Variants in LRRC32 observed in about 807,000 individuals in gnomAD.
LRRC32 encodes the protein leucine rich repeat containing 32.
LRRC32 carries 5 observed loss-of-function variants against 15.0 expected under a neutral mutation model. That is an observed-to-expected ratio of 0.33 (90% CI 0.17 to 0.70). The LOEUF (loss-of-function observed/expected upper bound fraction) is 0.70. Ranked by LOEUF, LRRC32 falls within the 30% of genes least tolerant of loss-of-function variation. The probability of loss-of-function intolerance (pLI) is 0.66; values close to 1 mark genes in which losing one functional copy is unlikely to be tolerated. For synonymous variants in LRRC32, 391 were observed against 403.9 expected, an observed-to-expected ratio of 0.97 and a Z score of 0.38; for missense variants, 803 against 854.2, an observed-to-expected ratio of 0.94 and a Z score of 0.75.
Position 76,660,725 on chromosome 11 carries a change from T to C in LRRC32, c.868A>G (p.Ile290Val). The change falls in exon 3 of 3, where the codon ATC (isoleucine) becomes GTC (valine). Residue 290 changes from isoleucine (I) to valine (V), a missense_variant. Physicochemically the swap from Ile to Val is conservative, Grantham distance 29. Transcript: ENST00000260061. Reference protein sequence around the residue: ...PTGPPQDSKGIHAPSEGWSAL... With the variant: ...PTGPPQDSKGVHAPSEGWSAL... Reference sequence around the variant, plus strand: ...GACCAGCCCTCGGAAGGTGCGTGGATGCCCTTGCTGTCCTGGGGTGGCCCT... The same window carrying C: ...GACCAGCCCTCGGAAGGTGCGTGGACGCCCTTGCTGTCCTGGGGTGGCCCT... 1 of 1,613,974 alleles carries C rather than the reference T, an allele frequency of 6.2e-7. No homozygotes were observed. The highest frequency in any genetic ancestry group is 8.5e-7 in the Non-Finnish European group (1 of 1,179,980).
chr11:76,667,768 T>C (rs1472487519), intron 1 of LRRC32, among the ~76,000 whole-genome samples: 2 of 152,230 alleles, frequency 1.3e-5, no homozygotes, highest in African/African-American at 4.8e-5. Context: ...CCAGCTCTGC[T>C]CTCCAGCCTG....
At chr11:76,661,531 G>A in intron 2 of LRRC32, 23 bp from the exon 3 acceptor site, 1 of 1,562,366 alleles carries the variant, frequency 6.4e-7, no homozygotes, top group South Asian at 1.2e-5. Flanking sequence ...AGGGTGGGGA[G>A]ACAGCTGGCA....
At position 76,660,353 on chromosome 11, in the gene LRRC32, G is replaced by T. The variant is rs201431152; in HGVS notation, c.1240C>A (p.Arg414=). The T allele has an allele frequency of 6.8e-6, 11 of 1,612,364 alleles. No individual in the cohort carries two copies. The African/African-American group carries it at 1.2e-4, about 18-fold the overall frequency. Residue 414 remains arginine, a synonymous_variant, in exon 3 of 3, where the codon CGG becomes AGG. Transcript: ENST00000260061. ...YTFANLASLQ[R]LNLQGNRVSP... is the part of the protein sequence containing the mutation. ...ACTCGGTTCCCCTGCAGGTTGAGCC[G>T]CTGCAGGCTGGCCAGATTGGCAAAG...
At position 76,661,055 on chromosome 11, in the gene LRRC32, G is replaced by A; in HGVS notation, c.538C>T (p.Leu180=). ...ATGTCCATCAGCACGTTGCTATGCA[G>A]GTCAAGCTGCTCCAGCGCAGGCATG... The part of the protein sequence containing the change: ...RDMPALEQLD[L]HSNVLMDIED... The change falls in exon 3 of 3, where the codon CTG becomes TTG. Residue 180 remains leucine (L), a synonymous_variant. Coordinates refer to ENST00000260061, the MANE Select transcript of LRRC32 (RefSeq NM_001128922.2). 6.2e-7 allele frequency: 1 copy of A among 1,614,254 alleles called. No homozygotes were observed. Among genetic ancestry groups the A allele is most frequent in the Non-Finnish European group, 8.5e-7 (1 of 1,180,048 alleles).
rs3197153 is a variant in LRRC32, at chr11:76,658,028, T to C, written c.*1576A>G. The C allele has an allele frequency of 0.29, 44,041 of 152,162 alleles. 6,963 individuals are homozygous for C. The highest frequency in any genetic ancestry group is 0.36 in the South Asian group (1,723 of 4,810). 9.4% of individuals were successfully genotyped at this position (152,162 alleles called of 1,614,324 possible). On this transcript the variant is annotated 3_prime_UTR_variant, in exon 3 of 3. Transcript: ENST00000260061. ...GGGATGGGGGTCATCTGGGTGAGGCTTTTTACCTGTTTTTGTAAGAGGGAA... is the reference window on the plus strand; with the variant it reads ...GGGATGGGGGTCATCTGGGTGAGGCCTTTTACCTGTTTTTGTAAGAGGGAA...
chr11:76,665,401 G>A (rs1217751029), intron 2 of LRRC32, among the ~76,000 whole-genome samples: 2 of 152,134 alleles, frequency 1.3e-5, no homozygotes, highest in South Asian at 2.1e-4. Flanking sequence ...ACTAAGAAGT[G>A]AGAGGCACTC....
rs1279635960 is a variant in LRRC32 at position 76,660,774 on chromosome 11, G to T, written c.819C>A (p.Ser273=). The change falls in exon 3 of 3, where the codon TCC becomes TCA. Residue 273 remains serine (S), a synonymous_variant. Transcript: ENST00000260061. The stretch of plus-strand genomic sequence containing the variant: ...CTGTGGGGAGCCGGATGAGGTTGTT[G>T]GACAAGTTCAGGTAGATGAGTCTCG... ...ALPRLIYLNL[S]NNLIRLPTGP... is the part of the protein sequence containing the mutation. 1 of 1,614,146 alleles carries T rather than the reference G, an allele frequency of 6.2e-7. No homozygotes were observed. The highest frequency in any genetic ancestry group is 1.1e-5 in the South Asian group (1 of 91,082).
chr11:76,666,068 CG>C (rs550065945), intron 1 of LRRC32, 110 bp from the exon 2 acceptor site: 93 of 946,226 alleles, frequency 9.8e-5, no homozygotes, highest in South Asian at 9.7e-4. Flanking sequence ...CCCCAGAGCA[CG>C]GCTGGAGCTG....
intron 1 of LRRC32, among the ~76,000 whole-genome samples, chr11:76,668,991 G>A (rs576752417): frequency 6.6e-6 from 1 of 152,296 alleles, no homozygotes; most frequent in African/African-American, 2.4e-5. Flanking sequence ...AAAGGAGGAC[G>A]GTGTCACTTA....
At position 76,658,258 on chromosome 11, in the gene LRRC32, G is replaced by A. The variant is rs922199996; in HGVS notation, c.*1346C>T. The A allele has an allele frequency of 1.3e-5, 2 of 152,344 alleles. No individual in the cohort carries two copies. Among genetic ancestry groups the A allele is most frequent in the Non-Finnish European group, 2.9e-5 (2 of 68,090 alleles). The allele number at this position is 152,344 out of a possible 1,614,324, so 9.4% of individuals were successfully genotyped here. ...GCCTCAGTTTCCCCATCTGTGCAAT[G>A]GGGAGGTTGGATTCCATAGTCTCAA... On this transcript the variant is annotated 3_prime_UTR_variant, in exon 3 of 3. Transcript: ENST00000260061.
rs959201143 is a variant in LRRC32 at position 76,657,557 on chromosome 11, G to C, written c.*2047C>G. ...CAAAATTAGTTTTTAATACATTCAGGTAGGTTATACAAAGAGTTGGTCCCG... is the reference window on the plus strand; with the variant it reads ...CAAAATTAGTTTTTAATACATTCAGCTAGGTTATACAAAGAGTTGGTCCCG... On this transcript the variant is annotated 3_prime_UTR_variant, in exon 3 of 3. Transcript: ENST00000260061. The C allele has an allele frequency of 2.0e-5, 3 of 152,872 alleles. No individual in the cohort carries two copies. Among genetic ancestry groups the C allele is most frequent in the African/African-American group, 7.2e-5 (3 of 41,452 alleles). 9.5% of individuals were successfully genotyped at this position (152,872 alleles called of 1,614,324 possible). A position where few individuals can be genotyped will look rare whatever the true frequency, so the allele number is the denominator to read the frequency against.
intron 2 of LRRC32, among the ~76,000 whole-genome samples, chr11:76,664,167 T>C (rs879503032): frequency 6.6e-6 from 1 of 152,178 alleles, no homozygotes; most frequent in Non-Finnish European, 1.5e-5. Flanking sequence ...TGAGACTTGA[T>C]CCAGGACACA....
intron 1 of LRRC32, among the ~76,000 whole-genome samples, chr11:76,670,271 G>A (rs942177737): frequency 2.6e-5 from 4 of 152,226 alleles, no homozygotes; most frequent in Non-Finnish European, 5.9e-5. Context: ...CGCCTGGCTG[G>A]GATCGGAGCG....
intron 2 of LRRC32, 134 bp downstream of exon 2, chr11:76,665,736 GC>G (rs1952614813): frequency 8.0e-7 from 1 of 1,253,588 alleles, no homozygotes; most frequent in Non-Finnish European, 1.1e-6. Context: ...TCTAGTAGGT[GC>G]TCATTAAATG....
Position 76,665,940 on chromosome 11 carries a change from G to A in LRRC32, c.15C>T (p.Ile5=), listed in dbSNP as rs1952619204. MRPQ[I]LLLLALLTLG... is the part of the protein sequence containing the mutation. ...GGGTCAGCAGGGCCAGGAGCAGCAG[G>A]ATCTGGGGTCTCATGGCTCTGTGTA... The change falls in exon 2 of 3, where the codon ATC becomes ATT. Residue 5 remains isoleucine, a synonymous_variant. Coordinates refer to ENST00000260061, the MANE Select transcript of LRRC32 (RefSeq NM_001128922.2). 6.2e-7 allele frequency: 1 copy of A among 1,613,960 alleles called. No individual in the cohort carries two copies. The highest frequency in any genetic ancestry group is 8.5e-7 in the Non-Finnish European group (1 of 1,179,954).
Position 76,661,363 on chromosome 11 carries a change from T to A in LRRC32, c.230A>T (p.His77Leu). ...GATCTCATTGGTGCTCAGGTCCAGG[T>A]GACGAAGTGCTGTGTAGAAGCCCAG... The part of the protein sequence containing the change: ...SPLGFYTALR[H>L]LDLSTNEISF... Residue 77 changes from histidine (H) to leucine (L), a missense_variant, in exon 3 of 3, where the codon CAC becomes CTC. His to Leu is a moderately conservative substitution (Grantham distance 99). Transcript: ENST00000260061. The A allele has an allele frequency of 6.2e-7, 1 of 1,614,142 alleles. No homozygotes were observed.
Position 76,661,310 on chromosome 11 carries a change from C to A in LRRC32, c.283G>T (p.Ala95Ser), listed in dbSNP as rs1565404710. 3 of 1,614,074 alleles carry A rather than the reference C, an allele frequency of 1.9e-6. No homozygotes were observed. Among genetic ancestry groups the A allele is most frequent in the Non-Finnish European group, 2.5e-6 (3 of 1,180,036 alleles). The part of the protein sequence containing the change: ...ISFLQPGAFQ[A>S]LTHLEHLSLA... ...CTGAGGTGCTCCAGGTGGGTCAGGG[C>A]CTGGAAGGCTCCTGGCTGGAGGAAG... Residue 95 changes from alanine to serine, a missense_variant, in exon 3 of 3, where the codon GCC (alanine) becomes TCC (serine). Coordinates refer to ENST00000260061, the MANE Select transcript of LRRC32 (RefSeq NM_001128922.2).
rs75328616 is a variant in LRRC32 at position 76,667,268 on chromosome 11, C to T, written c.-4-1310G>A. ...TCTCAGAGAGCTTAGGTACTATGCC[C>T]GAGGTCACACGGTGAACAAGCCACC... On this transcript the variant is annotated intron_variant, in intron 1 of 2. Transcript: ENST00000260061. Among the ~76,000 whole-genome samples the T allele has an allele frequency of 2.3e-3, 348 of 152,316 alleles. 10 individuals carry two copies. The East Asian group carries it at 0.053, about 23-fold the overall frequency.
rs770574345 is a variant in LRRC32, at chr11:76,660,440, G to C, written c.1153C>G (p.Leu385Val). The C allele has an allele frequency of 5.6e-6, 9 of 1,613,746 alleles. No homozygotes were observed. The highest frequency in any genetic ancestry group is 6.8e-6 in the Non-Finnish European group (8 of 1,179,874). ...AGGAGCAGCGTCCGCAGAGACCCCA[G>C]GGCTCTGGCGCCCAGTTCCAGTGTC... is the stretch of plus-strand genomic sequence containing the variant. ...LETLELGARA[L>V]GSLRTLLLQG... is the part of the protein sequence containing the mutation. Residue 385 changes from leucine to valine, a missense_variant, in exon 3 of 3, where the codon CTG becomes GTG. By Grantham distance (32) the Leu-to-Val change is conservative (BLOSUM62 1). Coordinates refer to ENST00000260061, the MANE Select transcript of LRRC32 (RefSeq NM_001128922.2).
Sources: gnomAD v4.1 joint callset for allele counts (sites outside exome capture counted in the v4.1 genomes callset) on GRCh38, gnomAD v4.1.1 for gene constraint, MANE v1.5 for transcripts, NCBI Gene and HGNC (gene_info 2026-07-23, HGNC 2026-07-21) for gene names.